Variants in MAN2A1 observed in about 807,000 individuals in gnomAD.
MAN2A1 encodes the protein mannosidase alpha class 2A member 1, also known as alpha-mannosidase 2.
A neutral mutation model predicts 142.6 loss-of-function variants in MAN2A1; 76 were observed. The observed-to-expected ratio is 0.53, with a 90% CI of 0.44 to 0.65. The LOEUF is 0.65. Ranked by LOEUF, MAN2A1 falls within the 30% of genes least tolerant of loss-of-function variation. MAN2A1 has a pLI of 0.00. For missense variants in MAN2A1, 1,311 were observed against 1,365.1 expected, an observed-to-expected ratio of 0.96 and a Z score of 0.62; for synonymous variants, 559 against 473.2, an observed-to-expected ratio of 1.18 and a Z score of -2.35.
intron 4 of MAN2A1, among the ~76,000 whole-genome samples, chr5:109,735,788 A>G (rs1045280903): frequency 5.3e-5 from 8 of 152,178 alleles, no homozygotes; most frequent in Non-Finnish European, 7.3e-5. Context: ...TACTCCATCA[A>G]AAAAGTAATC....
chr5:109,723,114 G>A (rs1339296622), intron 3 of MAN2A1, among the ~76,000 whole-genome samples: 1 of 152,156 alleles, frequency 6.6e-6, no homozygotes, highest in Non-Finnish European at 1.5e-5. Context: ...TACATTGTAC[G>A]TATAGGGCTG....
At position 109,823,741 on chromosome 5, in the gene MAN2A1, C is replaced by G; in HGVS notation, c.2470C>G (p.Pro824Ala). 1 of 1,602,402 alleles carries G rather than the reference C, an allele frequency of 6.2e-7. No homozygotes were observed. Among genetic ancestry groups the G allele is most frequent in the African/African-American group, 1.3e-5 (1 of 74,672 alleles). Residue 824 changes from proline to alanine, a missense_variant, in exon 16 of 22, where the codon CCG becomes GCG. This residue lies in a region of MAN2A1 where 890 missense variants were observed against 920.5 expected (regional missense o/e 0.97). Coordinates refer to ENST00000261483, the MANE Select transcript of MAN2A1 (RefSeq NM_002372.4). Reference protein sequence around the residue: ...GNAKPYVYTTPPFVRVTHGRI... With the variant: ...GNAKPYVYTTAPFVRVTHGRI... Reference sequence around the variant, plus strand: ...TTTTCAGCCTTATGTTTACACAACACCGCCCTTTGTCAGAGTGACACATGG... The same window carrying G: ...TTTTCAGCCTTATGTTTACACAACAGCGCCCTTTGTCAGAGTGACACATGG...
chr5:109,710,976 C>T (rs989438245), intron 1 of MAN2A1, among the ~76,000 whole-genome samples: 1 of 152,220 alleles, frequency 6.6e-6, no homozygotes, highest in Non-Finnish European at 1.5e-5. Context: ...AGGCGTGAGC[C>T]ACCGCGCTCA....
intron 1 of MAN2A1, among the ~76,000 whole-genome samples, chr5:109,704,756 T>A (rs889571466): frequency 1.3e-5 from 2 of 152,166 alleles, no homozygotes; most frequent in Non-Finnish European, 2.9e-5. Context: ...AAATACAGAC[T>A]CTCTTTTACC....
chr5:109,785,435 T>C (rs1281315339), intron 10 of MAN2A1, among the ~76,000 whole-genome samples: 2 of 151,878 alleles, frequency 1.3e-5, no homozygotes, highest in African/African-American at 4.8e-5. Flanking sequence ...CCTTATCATA[T>C]GTGGATGATA....
chr5:109,694,900 A>G (rs546485513), intron 1 of MAN2A1, among the ~76,000 whole-genome samples: 1 of 152,212 alleles, frequency 6.6e-6, no homozygotes, highest in Non-Finnish European at 1.5e-5. Flanking sequence ...CAGTCTATTT[A>G]TAAACAATAG....
chr5:109,831,685 A>G (rs900021889), intron 16 of MAN2A1, among the ~76,000 whole-genome samples: 3 of 152,104 alleles, frequency 2.0e-5, no homozygotes, highest in Non-Finnish European at 4.4e-5. Flanking sequence ...ACTTCACATC[A>G]TTATTTTCTC....
At chr5:109,823,033 T>C (rs1754669324) in intron 15 of MAN2A1, among the ~76,000 whole-genome samples, 1 of 152,226 alleles carries the variant, frequency 6.6e-6, no homozygotes, top group Non-Finnish European at 1.5e-5. Context: ...TCTATGCTAT[T>C]GTTGAGCTAA....
intron 4 of MAN2A1, among the ~76,000 whole-genome samples, chr5:109,744,274 G>A (rs1016398044): frequency 3.3e-5 from 5 of 152,060 alleles, no homozygotes; most frequent in African/African-American, 4.8e-5. Context: ...TTCTTCTATA[G>A]AGGCAAGAAG....
At chr5:109,749,932 T>C (rs904699003) in intron 4 of MAN2A1, among the ~76,000 whole-genome samples, 1 of 152,074 alleles carries the variant, frequency 6.6e-6, no homozygotes, top group Non-Finnish European at 1.5e-5. Flanking sequence ...TAGTCTTGAA[T>C]GTACAGCTAC....
chr5:109,866,021 A>C (rs539147202), intron 21 of MAN2A1, among the ~76,000 whole-genome samples: 1 of 152,268 alleles, frequency 6.6e-6, no homozygotes, highest in South Asian at 2.1e-4. Flanking sequence ...ACAAATTAGC[A>C]TGTGTGTGGG....
chr5:109,833,470 C>G (rs1754980113), intron 16 of MAN2A1, among the ~76,000 whole-genome samples: 1 of 152,168 alleles, frequency 6.6e-6, no homozygotes, highest in Non-Finnish European at 1.5e-5. Context: ...GAGCTGGAGA[C>G]CAGCCCGGCC....
At chr5:109,701,714 G>T (rs1393159947) in intron 1 of MAN2A1, among the ~76,000 whole-genome samples, 1 of 152,194 alleles carries the variant, frequency 6.6e-6, no homozygotes, top group Non-Finnish European at 1.5e-5. Flanking sequence ...CTAGAATCGG[G>T]AGGATGAAAA....
chr5:109,747,085 A>G (rs1027275271), intron 4 of MAN2A1, among the ~76,000 whole-genome samples: 3 of 152,146 alleles, frequency 2.0e-5, no homozygotes, highest in African/African-American at 7.2e-5. Flanking sequence ...GGTGGTTTCT[A>G]CGTTTTGGCC....
intron 3 of MAN2A1, among the ~76,000 whole-genome samples, chr5:109,720,320 A>T (rs970241869): frequency 6.6e-6 from 1 of 152,234 alleles, no homozygotes; most frequent in African/African-American, 2.4e-5. Context: ...TCTTTTGTAC[A>T]TTTGCAATTC....
At chr5:109,857,426 G>A (rs749313086) in intron 20 of MAN2A1, among the ~76,000 whole-genome samples, 1 of 152,174 alleles carries the variant, frequency 6.6e-6, no homozygotes, top group Non-Finnish European at 1.5e-5. Context: ...CTCTGGGCTT[G>A]AGGTTACCAC....
At chr5:109,731,476 G>T (rs1484055560) in intron 4 of MAN2A1, among the ~76,000 whole-genome samples, 1 of 148,128 alleles carries the variant, frequency 6.8e-6, no homozygotes, top group South Asian at 2.2e-4. Flanking sequence ...TCGTCATTTA[G>T]CATTAGGTAT....
intron 1 of MAN2A1, among the ~76,000 whole-genome samples, chr5:109,703,937 A>G (rs992394809): frequency 2.6e-5 from 4 of 152,164 alleles, no homozygotes. Flanking sequence ...ATATGGTTCT[A>G]ATCTAAACAT....
chr5:109,848,470 G>A (rs2112765633), intron 19 of MAN2A1, among the ~76,000 whole-genome samples: 1 of 152,246 alleles, frequency 6.6e-6, no homozygotes, highest in South Asian at 2.1e-4. Flanking sequence ...AGTCCTTTCT[G>A]CTCTTTTCAG....
Sources: gnomAD v4.1 joint callset for allele counts (sites outside exome capture counted in the v4.1 genomes callset) on GRCh38, gnomAD v4.1.1 for gene constraint, gnomAD v4.1.1 regional missense constraint, MANE v1.5 for transcripts, NCBI Gene and HGNC (gene_info 2026-07-23, HGNC 2026-07-21) for gene names.